The following CUBN variants were observed in gnomAD, a reference collection of about 807,000 sequenced individuals.
CUBN encodes cubilin, also known as 460 kDa receptor.
CUBN carries 282 observed loss-of-function variants against 405.3 expected under a neutral mutation model. The ratio of observed to expected loss-of-function variants is 0.70; its 90% CI spans 0.63 to 0.77. The LOEUF is 0.77. Among genes scored for constraint, CUBN ranks in the 30% least tolerant of loss-of-function variants. The pLI, the probability that CUBN is intolerant of heterozygous loss-of-function variation, is 0.00. For missense variants in CUBN, 4,514 were observed against 4,475.2 expected, an observed-to-expected ratio of 1.01 and a Z score of -0.25; for synonymous variants, 1,684 against 1,617.0, an observed-to-expected ratio of 1.04 and a Z score of -0.99.
chr10:17,055,103 T>C lies in CUBN; in HGVS notation c.3140-7500A>G, dbSNP rs112598317. On this transcript the variant is annotated intron_variant, in intron 22 of 66. Coordinates refer to ENST00000377833, the MANE Select transcript of CUBN (RefSeq NM_001081.4). ...AGATCAGAACCAGGTGGAGTTCTGATGTATTACACAAGATTGGTTTGACAG... is the reference window on the plus strand; with the variant it reads ...AGATCAGAACCAGGTGGAGTTCTGACGTATTACACAAGATTGGTTTGACAG... Among the ~76,000 whole-genome samples the C allele has an allele frequency of 7.3e-4, 111 of 152,198 alleles. 4 individuals carry two copies. The highest frequency in any genetic ancestry group is 2.7e-3 in the Admixed American group (42 of 15,280).
At chr10:16,847,978 G>A (rs189312757) in intron 60 of CUBN, among the ~76,000 whole-genome samples, 127 of 152,272 alleles carry the variant, frequency 8.3e-4, no homozygotes, top group African/African-American at 2.9e-3. Context: ...CACATTCCAA[G>A]GGCTATTCTT....
chr10:16,983,825 G>C (rs1326805339), intron 30 of CUBN, among the ~76,000 whole-genome samples: 1 of 152,202 alleles, frequency 6.6e-6, no homozygotes, highest in Non-Finnish European at 1.5e-5. Flanking sequence ...CTGGTTAAGA[G>C]GTACGAGCCC....
At chr10:17,082,335 T>C (rs973839802) in intron 17 of CUBN, among the ~76,000 whole-genome samples, 1 of 152,222 alleles carries the variant, frequency 6.6e-6, no homozygotes, top group African/African-American at 2.4e-5. Flanking sequence ...TTAATCCCCT[T>C]CTGGCTACAA....
chr10:17,116,147 T>C (rs1223354690), intron 6 of CUBN, among the ~76,000 whole-genome samples: 1 of 152,250 alleles, frequency 6.6e-6, no homozygotes, highest in Non-Finnish European at 1.5e-5. Context: ...TATAATATAA[T>C]ACAGTGGCAT....
At chr10:17,116,237 T>C (rs1484848034) in intron 6 of CUBN, among the ~76,000 whole-genome samples, 3 of 152,254 alleles carry the variant, frequency 2.0e-5, no homozygotes, top group Non-Finnish European at 4.4e-5. Flanking sequence ...GGGTGCTTTG[T>C]TACTAGAAGA....
Position 16,897,463 on chromosome 10 carries a change from G to A in CUBN, c.8598+1533C>T, listed in dbSNP as rs1040806605. 4.6e-5 allele frequency among the ~76,000 whole-genome samples: 7 copies of A among 152,144 alleles called. No individual in the cohort carries two copies. In the East Asian group the frequency reaches 5.8e-4, roughly 13 times the overall value. Reference sequence around the variant, plus strand: ...TGGTGCTACCTGAGGGACTCTGTGTGTTTCTCAGTTGAAGGCAAAGGGTAT... The same window carrying A: ...TGGTGCTACCTGAGGGACTCTGTGTATTTCTCAGTTGAAGGCAAAGGGTAT... On this transcript the variant is annotated intron_variant, in intron 54 of 66. Transcript: ENST00000377833.
chr10:17,094,911 T>G (rs550811225), intron 14 of CUBN, among the ~76,000 whole-genome samples: 1 of 151,920 alleles, frequency 6.6e-6, no homozygotes, highest in Non-Finnish European at 1.5e-5. Context: ...AGACCCCAAA[T>G]AGCTAAAGCA....
At chr10:16,891,915 A>C (rs2796839) in intron 54 of CUBN, among the ~76,000 whole-genome samples, 110,917 of 151,964 alleles carry the variant, frequency 0.73, 40,938 homozygotes, top group Middle Eastern at 0.81. Flanking sequence ...TGCCCTTTCT[A>C]TCAACAGACA....
chr10:16,969,133 T>G (rs1370329925), intron 31 of CUBN, among the ~76,000 whole-genome samples: 3 of 152,232 alleles, frequency 2.0e-5, no homozygotes, highest in Non-Finnish European at 4.4e-5. Flanking sequence ...AGATTGTATA[T>G]CAATAACAAT....
At chr10:16,937,850 A>T in intron 38 of CUBN, 66 bp from the exon 39 acceptor site, 2 of 1,411,274 alleles carry the variant, frequency 1.4e-6, no homozygotes, top group Non-Finnish European at 2.0e-6. Context: ...AAGATAAAAT[A>T]AAAAAGATGC....
chr10:16,952,788 G>A (rs1268319436), intron 32 of CUBN, among the ~76,000 whole-genome samples: 2 of 152,192 alleles, frequency 1.3e-5, no homozygotes, highest in Admixed American at 6.5e-5. Context: ...TCATAAGGAT[G>A]ACTGTAGATT....
intron 31 of CUBN, among the ~76,000 whole-genome samples, chr10:16,968,872 T>C (rs2131666149): frequency 6.6e-6 from 1 of 152,330 alleles, no homozygotes. Flanking sequence ...TCCTGATGTG[T>C]CATTGAGGAG....
Position 16,888,520 on chromosome 10 carries a change from T to C in CUBN, c.8802A>G (p.Pro2934=), listed in dbSNP as rs149176029. ...TGTTGTCATATTGTTTTGGGTAATTTGGAGAAATGATGTAACCTGAAGGGC... is the reference window on the plus strand; with the variant it reads ...TGTTGTCATATTGTTTTGGGTAATTCGGAGAAATGATGTAACCTGAAGGGC... ...FTGPSGYIIS[P]NYPKQYDNNM... Residue 2934 remains proline, a synonymous_variant, in exon 56 of 67, where the codon CCA becomes CCG. Transcript: ENST00000377833. The C allele has an allele frequency of 4.3e-6, 7 of 1,613,512 alleles. No homozygotes were observed. Among genetic ancestry groups the C allele is most frequent in the Non-Finnish European group, 5.1e-6 (6 of 1,179,640 alleles).
At chr10:16,831,958 A>G (rs1839013949) in intron 64 of CUBN, among the ~76,000 whole-genome samples, 1 of 152,218 alleles carries the variant, frequency 6.6e-6, no homozygotes, top group Non-Finnish European at 1.5e-5. Context: ...GAATTTCTGT[A>G]TGGGCAAAGG....
At chr10:17,011,656 C>T (rs934495968) in intron 28 of CUBN, among the ~76,000 whole-genome samples, 6 of 152,130 alleles carry the variant, frequency 3.9e-5, no homozygotes, top group Non-Finnish European at 7.4e-5. Context: ...GCCCTGCCCA[C>T]GTCCTGCTGA....
At chr10:16,940,372 G>T in intron 36 of CUBN, 135 bp from the exon 37 acceptor site, 1 of 861,610 alleles carries the variant, frequency 1.2e-6, no homozygotes, top group Non-Finnish European at 1.8e-6. Context: ...TTATTTGGCT[G>T]TCTCAAAAAA....
chr10:16,931,620 C>T (rs1023851563), intron 40 of CUBN, among the ~76,000 whole-genome samples: 13 of 152,220 alleles, frequency 8.5e-5, no homozygotes, highest in African/African-American at 3.1e-4. Context: ...AATTCATCAT[C>T]TACAAAATGC....
intron 65 of CUBN, among the ~76,000 whole-genome samples, chr10:16,829,692 C>T (rs1242178318): frequency 6.6e-6 from 1 of 152,186 alleles, no homozygotes; most frequent in Non-Finnish European, 1.5e-5. Flanking sequence ...ATCTCTGGGA[C>T]AGGAAGAAGC....
intron 28 of CUBN, among the ~76,000 whole-genome samples, chr10:16,997,600 A>T (rs940755328): frequency 2.0e-5 from 3 of 152,208 alleles, no homozygotes; most frequent in Non-Finnish European, 4.4e-5. Context: ...TGGAGTGAGT[A>T]TACAGGCCTC....
Sources: allele counts gnomAD v4.1 joint callset (sites outside exome capture counted in the v4.1 genomes callset), GRCh38; gene constraint gnomAD v4.1.1; transcripts MANE v1.5; gene names NCBI Gene and HGNC (gene_info 2026-07-23, HGNC 2026-07-21).